INSR: variants seen among roughly 807,000 people sequenced by gnomAD.
The protein encoded by INSR is insulin receptor, also known as IR.
In INSR, 67 loss-of-function variants were observed where a neutral mutation model predicts 142.6. The observed-to-expected ratio is 0.47, with a 90% CI of 0.39 to 0.58. The LOEUF is 0.58. Ranked by LOEUF, INSR falls within the 20% of genes least tolerant of loss-of-function variation. INSR has a pLI of 0.00. For synonymous variants in INSR, 756 were observed against 743.1 expected (o/e 1.02, Z -0.28); for missense variants, 1,248 against 1,833.2 (o/e 0.68, Z 5.83).
intron 2 of INSR, among the ~76,000 whole-genome samples, chr19:7,250,476 AAAG>A (rs1057334722): frequency 4.7e-5 from 7 of 147,662 alleles, no homozygotes; most frequent in African/African-American, 1.5e-4. Flanking sequence ...GAAAGAAAGA[AAAG>A]AAAGAGAAGG....
At chr19:7,218,107 A>G (rs1035498420) in intron 2 of INSR, among the ~76,000 whole-genome samples, 14 of 152,108 alleles carry the variant, frequency 9.2e-5, no homozygotes, top group African/African-American at 3.1e-4. Context: ...GAGCAAAGAA[A>G]TAAACACGTT....
At chr19:7,246,710 G>A (rs1039874645) in intron 2 of INSR, among the ~76,000 whole-genome samples, 6 of 152,194 alleles carry the variant, frequency 3.9e-5, no homozygotes, top group African/African-American at 1.4e-4. Flanking sequence ...AGGGTGGTTT[G>A]TTACACAGCA....
intron 2 of INSR, among the ~76,000 whole-genome samples, chr19:7,197,859 A>AAC (rs1974818822): frequency 7.3e-6 from 1 of 136,822 alleles, no homozygotes; most frequent in Non-Finnish European, 1.5e-5. Flanking sequence ...AGAGAACGAG[A>AAC]GAGAGTGTGT....
Position 7,142,859 on chromosome 19 carries a change from C to T in INSR, c.2499G>A (p.Arg833=). The T allele has an allele frequency of 6.2e-7, 1 of 1,614,124 alleles. No homozygotes were observed. ...QACNQDTPEE[R]CSVAAYVSAR... ...CACTGACGTAGGCTGCCACACTGCA[C>T]CGTTCCTCAGGGGTGTCCTGGTTGC... The change falls in exon 12 of 22, where the codon CGG becomes CGA. Residue 833 remains arginine (R), a synonymous_variant. Coordinates refer to ENST00000302850, the MANE Select transcript of INSR (RefSeq NM_000208.4).
At chr19:7,243,409 C>T (rs1376583148) in intron 2 of INSR, among the ~76,000 whole-genome samples, 1 of 151,888 alleles carries the variant, frequency 6.6e-6, no homozygotes, top group East Asian at 1.9e-4. Context: ...CCACACCTGG[C>T]TAATTTTTGT....
Position 7,215,742 on chromosome 19 carries a change from A to T in INSR, c.653-31105T>A, listed in dbSNP as rs187519692. On this transcript the variant is annotated intron_variant, in intron 2 of 21. Coordinates refer to ENST00000302850, the MANE Select transcript of INSR (RefSeq NM_000208.4). Reference sequence around the variant, plus strand: ...GCCACCACGCCTGGCTAATTTTTGTAATTTTTAGTAGAGACAGGGTTTTAC... The same window carrying T: ...GCCACCACGCCTGGCTAATTTTTGTTATTTTTAGTAGAGACAGGGTTTTAC... Among the ~76,000 whole-genome samples the T allele has an allele frequency of 3.0e-3, 452 of 151,278 alleles. 8 individuals carry two copies. The highest frequency in any genetic ancestry group is 0.011 in the African/African-American group (436 of 41,270).
intron 1 of INSR, among the ~76,000 whole-genome samples, chr19:7,286,416 C>T (rs939960064): frequency 6.6e-6 from 1 of 151,848 alleles, no homozygotes; most frequent in Admixed American, 6.6e-5. Flanking sequence ...GAGACAGGGT[C>T]GGGCTCTATC....
Position 7,114,933 on chromosome 19 carries a change from G to A in INSR, c.*2123C>T, listed in dbSNP as rs2144783762. 1 of 151,284 alleles carries A rather than the reference G, an allele frequency of 6.6e-6. No homozygotes were observed. The highest frequency in any genetic ancestry group is 2.1e-4 in the South Asian group (1 of 4,804). 9.4% of individuals were successfully genotyped at this position (151,284 alleles called of 1,614,324 possible). Reference sequence around the variant, plus strand: ...TGTTTTTTTTTTAAATTTAGGTACAGACCCTCATATTTACAAAATAAATTT... The same window carrying A: ...TGTTTTTTTTTTAAATTTAGGTACAAACCCTCATATTTACAAAATAAATTT... On this transcript the variant is annotated 3_prime_UTR_variant, in exon 22 of 22. Coordinates refer to ENST00000302850, the MANE Select transcript of INSR (RefSeq NM_000208.4).
chr19:7,116,800 G>T lies in INSR; in HGVS notation c.*256C>A. ...ACGAAAAAACACAAAATCCTGGTTTGAAACCGTCGTTGCCCCAAAGGAGCA... is the reference window on the plus strand; with the variant it reads ...ACGAAAAAACACAAAATCCTGGTTTTAAACCGTCGTTGCCCCAAAGGAGCA... On this transcript the variant is annotated 3_prime_UTR_variant, in exon 22 of 22. Coordinates refer to ENST00000302850, the MANE Select transcript of INSR (RefSeq NM_000208.4). The T allele has an allele frequency of 3.0e-6, 1 of 328,872 alleles. No homozygotes were observed. The highest frequency in any genetic ancestry group is 5.5e-6 in the Non-Finnish European group (1 of 180,526). The allele number at this position is 328,872 out of a possible 1,614,324, so 20.4% of individuals were successfully genotyped here. A position where few individuals can be genotyped will look rare whatever the true frequency, so the allele number is the denominator to read the frequency against.
chr19:7,178,270 A>AG (rs1290618301), intron 3 of INSR, among the ~76,000 whole-genome samples: 2 of 44,724 alleles, frequency 4.5e-5, no homozygotes, highest in East Asian at 6.5e-4. Flanking sequence ...AGATAACATG[A>AG]GGGTGGGGGG....
At chr19:7,142,195 G>A (rs1599895915) in intron 12 of INSR, among the ~76,000 whole-genome samples, 1 of 151,718 alleles carries the variant, frequency 6.6e-6, no homozygotes, top group South Asian at 2.1e-4. Flanking sequence ...TTGAGCTCAG[G>A]CATTGGAGAC....
At chr19:7,288,949 T>TAA (rs1968416468) in intron 1 of INSR, among the ~76,000 whole-genome samples, 1 of 47,200 alleles carries the variant, frequency 2.1e-5, no homozygotes, top group African/African-American at 1.0e-4. Flanking sequence ...GGTGAAGAAG[T>TAA]GAAAAAAAAA....
chr19:7,262,468 G>A (rs376725878), intron 2 of INSR, among the ~76,000 whole-genome samples: 11 of 152,142 alleles, frequency 7.2e-5, no homozygotes, highest in Admixed American at 3.9e-4. Flanking sequence ...GCAAAACTCC[G>A]TCTCAAAAAA....
chr19:7,208,424 GA>G lies in INSR; in HGVS notation c.653-23788del, dbSNP rs748762494. On this transcript the variant is annotated intron_variant, in intron 2 of 21. Coordinates refer to ENST00000302850, the MANE Select transcript of INSR (RefSeq NM_000208.4). Reference sequence around the variant, plus strand: ...TTTAATGTACTTTCCTTAGCAACCGGAAAAAAAAAATCCCTGAAAAATTAAA... The same window carrying G: ...TTTAATGTACTTTCCTTAGCAACCGGAAAAAAAAATCCCTGAAAAATTAAA... Among the ~76,000 whole-genome samples, 124 of 150,064 alleles carry G rather than the reference GA, an allele frequency of 8.3e-4. 2 individuals carry two copies. In the East Asian group the frequency reaches 0.02, roughly 24 times the overall value.
intron 1 of INSR, among the ~76,000 whole-genome samples, chr19:7,291,342 A>G (rs1968489948): frequency 1.3e-5 from 2 of 152,240 alleles, no homozygotes; most frequent in South Asian, 4.1e-4. Flanking sequence ...AAAAGGGAAG[A>G]TTAAACCGCA....
intron 2 of INSR, among the ~76,000 whole-genome samples, chr19:7,245,477 T>G (rs1976512594): frequency 6.6e-6 from 1 of 151,998 alleles, no homozygotes; most frequent in South Asian, 2.1e-4. Flanking sequence ...GAAGACAGAA[T>G]CTCGCTCTGT....
intron 2 of INSR, among the ~76,000 whole-genome samples, chr19:7,224,473 G>A (rs1164282442): frequency 1.3e-5 from 2 of 152,114 alleles, no homozygotes; most frequent in East Asian, 1.9e-4. Context: ...CAAAGGTGTC[G>A]AGACATCAGG....
intron 15 of INSR, 40 bp downstream of exon 15, chr19:7,128,812 C>G (rs41339753): frequency 7.1e-7 from 1 of 1,402,350 alleles, no homozygotes; most frequent in East Asian, 2.3e-5. Flanking sequence ...CCCCAGAGAA[C>G]CAACTGTTCC....
chr19:7,264,922 G>A (rs995807555), intron 2 of INSR, among the ~76,000 whole-genome samples: 2 of 152,164 alleles, frequency 1.3e-5, no homozygotes, highest in Non-Finnish European at 2.9e-5. Flanking sequence ...GGGGCTCCAA[G>A]GGAGTCCTCA....
Sources: allele counts gnomAD v4.1 joint callset (sites outside exome capture counted in the v4.1 genomes callset), GRCh38; gene constraint gnomAD v4.1.1; transcripts MANE v1.5; gene names NCBI Gene and HGNC (gene_info 2026-07-23, HGNC 2026-07-21).